The following HS6ST3 variants were observed in gnomAD, a reference collection of about 807,000 sequenced individuals.
The protein encoded by HS6ST3 is heparan-sulfate 6-O-sulfotransferase 3.
HS6ST3 carries 12 observed loss-of-function variants against 36.7 expected under a neutral mutation model. The ratio of observed to expected loss-of-function variants is 0.33; its 90% confidence interval spans 0.21 to 0.53. The LOEUF is 0.53. HS6ST3 is among the 20% of genes least tolerant of loss of function. The pLI, the probability that HS6ST3 is intolerant of heterozygous loss-of-function variation, is 0.95. For synonymous variants in HS6ST3, 240 were observed against 257.5 expected, an observed-to-expected ratio of 0.93 and a Z score of 0.65; for missense variants, 584 against 640.9, an observed-to-expected ratio of 0.91 and a Z score of 0.96.
In HS6ST3 at chr13:96,426,994, A is replaced by G. The variant is rs1197824992; in HGVS notation, c.707+335425A>G. The stretch of plus-strand genomic sequence containing the variant: ...GATAATGTAAAAATTCTGAGGTCCA[A>G]TCAAATCTTGAAATAATTACAGCAG... On this transcript the variant is annotated intron_variant, in intron 1 of 1. Coordinates refer to ENST00000376705, the MANE Select transcript of HS6ST3 (RefSeq NM_153456.4). 4.6e-5 allele frequency among the ~76,000 whole-genome samples: 7 copies of G among 152,212 alleles called. No homozygotes were observed. In the East Asian group the frequency reaches 1.2e-3, roughly 25 times the overall value.
At chr13:96,817,132 G>A (rs1423800452) in intron 1 of HS6ST3, among the ~76,000 whole-genome samples, 4 of 152,138 alleles carry the variant, frequency 2.6e-5, no homozygotes, top group Non-Finnish European at 4.4e-5. Flanking sequence ...CCCCAGAAAG[G>A]GTCATTGCAT....
chr13:96,105,066 GAAAA>G (rs35882347), intron 1 of HS6ST3, among the ~76,000 whole-genome samples: 2 of 137,416 alleles, frequency 1.5e-5, no homozygotes, highest in East Asian at 4.2e-4. Flanking sequence ...CATAAAGATG[GAAAA>G]AAAAAAAAAA....
chr13:96,326,319 C>T, intron 1 of HS6ST3, among the ~76,000 whole-genome samples: 1 of 106,168 alleles, frequency 9.4e-6, no homozygotes, highest in African/African-American at 3.6e-5. Flanking sequence ...TAATGCTATC[C>T]CTCCCCCCTC....
intron 1 of HS6ST3, among the ~76,000 whole-genome samples, chr13:96,740,580 G>T (rs1876413138): frequency 6.6e-6 from 1 of 152,032 alleles, no homozygotes; most frequent in African/African-American, 2.4e-5. Flanking sequence ...TGCCTATTTG[G>T]GTTTGTTAAT....
intron 1 of HS6ST3, chr13:96,427,091 G>T (rs1398750649): frequency 3.2e-5 from 5 of 154,312 alleles, no homozygotes; most frequent in African/African-American, 1.2e-4. Context: ...GGCTAAGAAT[G>T]AAATCCATAG....
chr13:96,487,885 C>T (rs1438941449), intron 1 of HS6ST3, among the ~76,000 whole-genome samples: 1 of 152,026 alleles, frequency 6.6e-6, no homozygotes, highest in Non-Finnish European at 1.5e-5. Flanking sequence ...TGCCAAATTA[C>T]CTTCAAAATG....
At chr13:96,785,638 G>T (rs534982958) in intron 1 of HS6ST3, among the ~76,000 whole-genome samples, 9 of 152,144 alleles carry the variant, frequency 5.9e-5, no homozygotes, top group African/African-American at 1.4e-4. Flanking sequence ...ACAGATAAGC[G>T]CAGCATGGGC....
At chr13:96,230,923 G>A (rs1343851525) in intron 1 of HS6ST3, among the ~76,000 whole-genome samples, 2 of 152,112 alleles carry the variant, frequency 1.3e-5, no homozygotes, top group African/African-American at 4.8e-5. Context: ...ACAGAAAGAC[G>A]TGAAGATACT....
At chr13:96,653,120 T>A (rs1388591127) in intron 1 of HS6ST3, among the ~76,000 whole-genome samples, 1 of 152,118 alleles carries the variant, frequency 6.6e-6, no homozygotes, top group Non-Finnish European at 1.5e-5. Flanking sequence ...TTCACTGTAT[T>A]ATTCAGCTCA....
chr13:96,621,257 C>A (rs1188236132), intron 1 of HS6ST3, among the ~76,000 whole-genome samples: 1 of 152,146 alleles, frequency 6.6e-6, no homozygotes, highest in Non-Finnish European at 1.5e-5. Context: ...GAATTGTAAT[C>A]CCCAGGTGTC....
At chr13:96,115,124 A>C (rs2053887867) in intron 1 of HS6ST3, among the ~76,000 whole-genome samples, 1 of 152,118 alleles carries the variant, frequency 6.6e-6, no homozygotes. Flanking sequence ...CATTCTGTTG[A>C]AGGGGTCAGG....
intron 1 of HS6ST3, among the ~76,000 whole-genome samples, chr13:96,673,462 G>A (rs1177751512): frequency 6.6e-6 from 1 of 152,102 alleles, no homozygotes; most frequent in Non-Finnish European, 1.5e-5. Context: ...AAAATGAAGT[G>A]TTTAGTCTTC....
chr13:96,337,979 G>T (rs1395856760), intron 1 of HS6ST3, among the ~76,000 whole-genome samples: 2 of 151,908 alleles, frequency 1.3e-5, no homozygotes, highest in African/African-American at 4.8e-5. Flanking sequence ...TCAGAACACA[G>T]GTGGCACTTG....
chr13:96,536,035 T>G (rs1364966069), intron 1 of HS6ST3, among the ~76,000 whole-genome samples: 1 of 152,210 alleles, frequency 6.6e-6, no homozygotes, highest in African/African-American at 2.4e-5. Context: ...ATTTAAAAAC[T>G]TATAGTCAAT....
At chr13:96,740,613 G>A (rs995599079) in intron 1 of HS6ST3, among the ~76,000 whole-genome samples, 2 of 152,158 alleles carry the variant, frequency 1.3e-5, no homozygotes, top group Admixed American at 6.5e-5. Flanking sequence ...TATGGACAGG[G>A]TTTTCTGCTA....
chr13:96,386,995 C>T (rs1260073365), intron 1 of HS6ST3, among the ~76,000 whole-genome samples: 1 of 152,060 alleles, frequency 6.6e-6, no homozygotes, highest in African/African-American at 2.4e-5. Context: ...GTGGCATGAC[C>T]ATGGCTCACT....
At chr13:96,259,609 C>A (rs1246582159) in intron 1 of HS6ST3, among the ~76,000 whole-genome samples, 1 of 152,170 alleles carries the variant, frequency 6.6e-6, no homozygotes, top group African/African-American at 2.4e-5. Flanking sequence ...TCTAATTTTA[C>A]TATAAAGATA....
intron 1 of HS6ST3, among the ~76,000 whole-genome samples, chr13:96,746,428 A>G (rs931807061): frequency 4.6e-5 from 7 of 152,124 alleles, no homozygotes; most frequent in Admixed American, 3.3e-4. Flanking sequence ...AAAGAAGGAT[A>G]GTAATTGAAA....
intron 1 of HS6ST3, among the ~76,000 whole-genome samples, chr13:96,384,290 A>G (rs1328533507): frequency 6.6e-6 from 1 of 152,000 alleles, no homozygotes; most frequent in African/African-American, 2.4e-5. Flanking sequence ...ATTCTTATTT[A>G]AAATCATATT....
Sources: gnomAD v4.1 joint callset for allele counts (sites outside exome capture counted in the v4.1 genomes callset) on GRCh38, gnomAD v4.1.1 for gene constraint, MANE v1.5 for transcripts, NCBI Gene and HGNC (gene_info 2026-07-23, HGNC 2026-07-21) for gene names.